The following RAB7A variants were observed in gnomAD, a reference collection of about 807,000 sequenced individuals.
RAB7A encodes RAB7A, member RAS oncogene family, also known as ras-related protein Rab-7a.
RAB7A carries 2 observed loss-of-function variants against 24.5 expected under a neutral mutation model. The ratio of observed to expected loss-of-function variants is 0.08; its 90% CI spans 0.03 to 0.26. The LOEUF is 0.26. Among genes scored for constraint, RAB7A ranks in the 10% least tolerant of loss-of-function variants. RAB7A has a pLI of 1.00. For synonymous variants in RAB7A, 100 were observed against 95.9 expected (o/e 1.04, Z -0.25); for missense variants, 118 against 255.7 (o/e 0.46, Z 3.67).
intron 1 of RAB7A, among the ~76,000 whole-genome samples, chr3:128,744,456 A>G (rs1031303879): frequency 4.6e-5 from 7 of 152,226 alleles, no homozygotes; most frequent in African/African-American, 1.7e-4. Context: ...AATATGATAC[A>G]TTATTATTTG....
chr3:128,727,711 A>G (rs1200171652), intron 1 of RAB7A, among the ~76,000 whole-genome samples: 1 of 152,180 alleles, frequency 6.6e-6, no homozygotes. Flanking sequence ...AAAATACTGC[A>G]TCTTTGGTTT....
intron 1 of RAB7A, among the ~76,000 whole-genome samples, chr3:128,788,279 A>G (rs922634137): frequency 2.0e-5 from 3 of 152,216 alleles, no homozygotes; most frequent in Non-Finnish European, 2.9e-5. Context: ...AAAGGTAAAA[A>G]TTGTTGACTT....
chr3:128,731,735 C>T (rs1420703253), intron 1 of RAB7A, among the ~76,000 whole-genome samples: 3 of 152,120 alleles, frequency 2.0e-5, no homozygotes, highest in Middle Eastern at 6.8e-3. Context: ...CGGCCGGGGG[C>T]GATGGCTCAC....
chr3:128,731,544 C>A (rs1576264813), intron 1 of RAB7A, among the ~76,000 whole-genome samples: 1 of 152,226 alleles, frequency 6.6e-6, no homozygotes, highest in Non-Finnish European at 1.5e-5. Flanking sequence ...TTGGTGCTCA[C>A]AACTGTTGTG....
chr3:128,739,101 C>A (rs969974364), intron 1 of RAB7A, among the ~76,000 whole-genome samples: 1 of 152,196 alleles, frequency 6.6e-6, no homozygotes, highest in Non-Finnish European at 1.5e-5. Context: ...ACCCTGTTAG[C>A]CATTGAGTAT....
chr3:128,763,565 T>A (rs1364725673), intron 1 of RAB7A, among the ~76,000 whole-genome samples: 1 of 152,132 alleles, frequency 6.6e-6, no homozygotes, highest in Non-Finnish European at 1.5e-5. Context: ...CCTTTTAATG[T>A]CTGATTGTTC....
intron 1 of RAB7A, chr3:128,764,905 A>G (rs1405292639): frequency 6.5e-7 from 1 of 1,541,790 alleles, no homozygotes; most frequent in Non-Finnish European, 8.9e-7. Flanking sequence ...GTTGTAAGAC[A>G]CGGACAGGTA....
At chr3:128,774,926 G>A (rs1576289485) in intron 1 of RAB7A, among the ~76,000 whole-genome samples, 1 of 152,048 alleles carries the variant, frequency 6.6e-6, no homozygotes, top group African/African-American at 2.4e-5. Flanking sequence ...GATTACAGGT[G>A]TGAGTCACTA....
intron 2 of RAB7A, among the ~76,000 whole-genome samples, chr3:128,795,964 G>T (rs1933565656): frequency 6.6e-6 from 1 of 151,658 alleles, no homozygotes; most frequent in African/African-American, 2.4e-5. Context: ...TGTTAGCCAG[G>T]ATGGTCTTGA....
intron 3 of RAB7A, among the ~76,000 whole-genome samples, chr3:128,803,102 G>T (rs185172416): frequency 6.6e-6 from 1 of 152,166 alleles, no homozygotes; most frequent in Non-Finnish European, 1.5e-5. Context: ...GAGCCACTGC[G>T]CTCAGCCAGT....
Position 128,813,332 on chromosome 3 carries a change from G to C in RAB7A, c.534G>C (p.Thr178=). 6.2e-7 allele frequency: 1 copy of C among 1,613,650 alleles called. No homozygotes were observed. Among genetic ancestry groups the C allele is most frequent in the Non-Finnish European group, 8.5e-7 (1 of 1,179,552 alleles). The change falls in exon 6 of 6, where the codon ACG becomes ACC. Residue 178 remains threonine, a synonymous_variant. Transcript: ENST00000265062. ...TIARNALKQE[T]EVELYNEFPE... is the part of the protein sequence containing the mutation. ...TTCTCTGTTTCCTTGTCCAGGAAAC[G>C]GAGGTGGAGCTGTACAACGAATTTC...
At chr3:128,768,204 G>T (rs1306239273) in intron 1 of RAB7A, among the ~76,000 whole-genome samples, 2 of 152,120 alleles carry the variant, frequency 1.3e-5, no homozygotes, top group Non-Finnish European at 2.9e-5. Context: ...ATTTGGGGGG[G>T]AGTATCTGGC....
intron 1 of RAB7A, among the ~76,000 whole-genome samples, chr3:128,776,278 TC>T (rs1456024929): frequency 1.3e-5 from 2 of 152,116 alleles, no homozygotes; most frequent in Non-Finnish European, 2.9e-5. Flanking sequence ...GTTTTTTTTT[TC>T]TTTTTTTACA....
chr3:128,795,156 C>T, intron 1 of RAB7A: 1 of 617,792 alleles, frequency 1.6e-6, no homozygotes, highest in Admixed American at 2.6e-5. Flanking sequence ...GATGGCCCTG[C>T]TGTGCTGTTC....
At chr3:128,749,441 A>G (rs1437681601) in intron 1 of RAB7A, 1 of 152,128 alleles carries the variant, frequency 6.6e-6, no homozygotes, top group Non-Finnish European at 1.5e-5. Context: ...GGCCAGCTTC[A>G]CCTTAGCGAA....
intron 5 of RAB7A, among the ~76,000 whole-genome samples, chr3:128,809,936 C>CTTTTTTTTTTGTTTTTTTTTT (rs1933887450): frequency 1.9e-5 from 1 of 52,216 alleles, no homozygotes; most frequent in Non-Finnish European, 3.4e-5. Flanking sequence ...TTGCCACAGT[C>CTTTTTTTTTTGTTTTTTTTTT]TTTTTTTTTT....
chr3:128,792,127 A>G (rs534723578), intron 1 of RAB7A, among the ~76,000 whole-genome samples: 1 of 152,372 alleles, frequency 6.6e-6, no homozygotes, highest in Admixed American at 6.5e-5. Context: ...ATTAGACATT[A>G]AGACGTAAGG....
intron 1 of RAB7A, among the ~76,000 whole-genome samples, chr3:128,773,610 A>G (rs1414088512): frequency 1.3e-5 from 2 of 152,258 alleles, no homozygotes; most frequent in African/African-American, 4.8e-5. Context: ...GCTCATTGAG[A>G]ACAGGCCATG....
intron 1 of RAB7A, among the ~76,000 whole-genome samples, chr3:128,789,770 T>C (rs1230452528): frequency 1.3e-5 from 2 of 151,874 alleles, no homozygotes; most frequent in Non-Finnish European, 2.9e-5. Flanking sequence ...AAAAGTTGCA[T>C]TTAGTGTGTT....
Sources: gnomAD v4.1 joint callset for allele counts (sites outside exome capture counted in the v4.1 genomes callset) on GRCh38, gnomAD v4.1.1 for gene constraint, MANE v1.5 for transcripts, NCBI Gene and HGNC (gene_info 2026-07-23, HGNC 2026-07-21) for gene names.